The following EPHA5 variants were observed in gnomAD, a reference collection of about 807,000 sequenced individuals.
EPHA5 encodes the protein EPH receptor A5, also known as ephrin type-A receptor 5.
Under a neutral mutation model 105.0 loss-of-function variants are expected in EPHA5, and 60 were observed. The ratio of observed to expected loss-of-function variants is 0.57; its 90% confidence interval spans 0.46 to 0.71. The LOEUF is 0.71. Ranked by LOEUF, EPHA5 falls within the 30% of genes least tolerant of loss-of-function variation. The pLI is 0.00. For missense variants in EPHA5, 1,218 were observed against 1,274.7 expected (o/e 0.96, Z 0.68); for synonymous variants, 513 against 449.1 (o/e 1.14, Z -1.80).
rs1020831743 is a variant in EPHA5, at chr4:65,496,620, A to G, written c.911-1077T>C. Among the ~76,000 whole-genome samples, 3 of 151,382 alleles carry G rather than the reference A, an allele frequency of 2.0e-5. No homozygotes were observed. The East Asian group carries it at 5.8e-4, about 29-fold the overall frequency. ...TATATGTGCCACATTTTCTTAATCC[A>G]GTCTATCATTGTTGGACATTTGGGT... On this transcript the variant is annotated intron_variant, in intron 3 of 16. Coordinates refer to ENST00000613740, the MANE Select transcript of EPHA5 (RefSeq NM_001281766.3).
chr4:65,568,496 C>A (rs1312947500), intron 3 of EPHA5, among the ~76,000 whole-genome samples: 1 of 150,940 alleles, frequency 6.6e-6, no homozygotes, highest in Non-Finnish European at 1.5e-5. Context: ...CACAAATGTG[C>A]AATATAATAT....
At chr4:65,443,625 C>T (rs1432882811) in intron 5 of EPHA5, among the ~76,000 whole-genome samples, 1 of 152,058 alleles carries the variant, frequency 6.6e-6, no homozygotes, top group Non-Finnish European at 1.5e-5. Context: ...CTAAAGAAGA[C>T]CGAGGCTAGA....
rs1247122913 is a variant in EPHA5, at chr4:65,564,661, T to C, written c.910+36980A>G. Among the ~76,000 whole-genome samples the C allele has an allele frequency of 3.3e-5, 5 of 151,830 alleles. No individual in the cohort carries two copies. In the Admixed American group the frequency reaches 3.3e-4, roughly 10 times the overall value. ...AAATCTCACAGTAGAGTGGCTTATG[T>C]TCTGCAATGTTTTATACATTTCGTG... On this transcript the variant is annotated intron_variant, in intron 3 of 16. Coordinates refer to ENST00000613740, the MANE Select transcript of EPHA5 (RefSeq NM_001281766.3).
At chr4:65,392,366 G>A (rs954409972) in intron 8 of EPHA5, among the ~76,000 whole-genome samples, 6 of 151,658 alleles carry the variant, frequency 4.0e-5, no homozygotes, top group Admixed American at 6.6e-5. Flanking sequence ...CTAAAATCAG[G>A]GATTGTATAT....
chr4:65,332,232 G>A, intron 15 of EPHA5, 104 bp from the exon 16 acceptor site: 5 of 917,182 alleles, frequency 5.5e-6, no homozygotes, highest in South Asian at 4.3e-5. Flanking sequence ...GAGTCTGTAA[G>A]TATATTTATA....
At chr4:65,513,226 T>C (rs908504715) in intron 3 of EPHA5, among the ~76,000 whole-genome samples, 9 of 152,184 alleles carry the variant, frequency 5.9e-5, no homozygotes, top group African/African-American at 1.4e-4. Context: ...CTTGATAGAT[T>C]TTCATTTATG....
intron 2 of EPHA5, among the ~76,000 whole-genome samples, chr4:65,638,094 C>A (rs1391909646): frequency 1.3e-5 from 2 of 152,092 alleles, no homozygotes; most frequent in Non-Finnish European, 2.9e-5. Context: ...CATATCCATT[C>A]TTAAGGCCTA....
chr4:65,342,035 T>G (rs907291654), intron 14 of EPHA5, among the ~76,000 whole-genome samples: 1 of 152,140 alleles, frequency 6.6e-6, no homozygotes, highest in African/African-American at 2.4e-5. Context: ...CAATCTTAGA[T>G]CAGTAGACTT....
chr4:65,617,238 T>G (rs1341193606), intron 2 of EPHA5, among the ~76,000 whole-genome samples: 1 of 152,088 alleles, frequency 6.6e-6, no homozygotes, highest in Admixed American at 6.6e-5. Flanking sequence ...CATTTTTCAT[T>G]GCACCTGATT....
chr4:65,396,823 G>A (rs1451558400), intron 8 of EPHA5, among the ~76,000 whole-genome samples: 1 of 152,124 alleles, frequency 6.6e-6, no homozygotes, highest in African/African-American at 2.4e-5. Context: ...CTGATATCAG[G>A]AGGAAGCTGC....
chr4:65,600,351 A>C (rs1456497931), intron 3 of EPHA5, among the ~76,000 whole-genome samples: 4 of 151,862 alleles, frequency 2.6e-5, no homozygotes, highest in Non-Finnish European at 5.9e-5. Context: ...TTGTGTAGAT[A>C]TAAAATCAGA....
At chr4:65,655,430 C>T (rs1252324701) in intron 1 of EPHA5, among the ~76,000 whole-genome samples, 2 of 152,074 alleles carry the variant, frequency 1.3e-5, no homozygotes, top group Non-Finnish European at 2.9e-5. Context: ...TTCTTATGTT[C>T]ACTTAACTAG....
chr4:65,359,614 T>A, intron 11 of EPHA5, among the ~76,000 whole-genome samples: 1 of 151,580 alleles, frequency 6.6e-6, no homozygotes, highest in African/African-American at 2.4e-5. Context: ...TCACTTTTTC[T>A]CATACTTCAC....
intron 16 of EPHA5, chr4:65,330,953 T>C (rs1577825800): frequency 2.9e-6 from 3 of 1,043,520 alleles, no homozygotes; most frequent in Non-Finnish European, 3.5e-6. Context: ...TGGTGATAAA[T>C]GGTGGTACCC....
chr4:65,580,543 A>T (rs987674293), intron 3 of EPHA5, among the ~76,000 whole-genome samples: 3 of 151,906 alleles, frequency 2.0e-5, no homozygotes, highest in African/African-American at 7.2e-5. Context: ...TATTTCACCA[A>T]AAACTATGCC....
At chr4:65,431,734 A>G (rs1724998363) in intron 5 of EPHA5, among the ~76,000 whole-genome samples, 1 of 152,178 alleles carries the variant, frequency 6.6e-6, no homozygotes, top group South Asian at 2.1e-4. Flanking sequence ...ATAGTTTGGG[A>G]AAAGTATTAG....
At chr4:65,608,917 T>C (rs1374515147) in intron 2 of EPHA5, among the ~76,000 whole-genome samples, 1 of 152,206 alleles carries the variant, frequency 6.6e-6, no homozygotes, top group Non-Finnish European at 1.5e-5. Context: ...ATGCATAAAA[T>C]ATAAGGCCAC....
chr4:65,414,523 G>A, intron 6 of EPHA5, 80 bp from the exon 7 acceptor site: 1 of 1,468,424 alleles, frequency 6.8e-7, no homozygotes, highest in Non-Finnish European at 9.3e-7. Context: ...TCATAGATCA[G>A]AAAATGAATC....
At chr4:65,471,493 G>A (rs545039910) in intron 5 of EPHA5, among the ~76,000 whole-genome samples, 1 of 152,238 alleles carries the variant, frequency 6.6e-6, no homozygotes, top group South Asian at 2.1e-4. Flanking sequence ...CATGGGTATT[G>A]TATTAGTCTG....
Sources: allele counts gnomAD v4.1 joint callset (sites outside exome capture counted in the v4.1 genomes callset), GRCh38; gene constraint gnomAD v4.1.1; transcripts MANE v1.5; gene names NCBI Gene and HGNC (gene_info 2026-07-23, HGNC 2026-07-21).